NCAM1: variants seen among roughly 807,000 people sequenced by gnomAD.
NCAM1 encodes neural cell adhesion molecule 1, also known as antigen recognized by monoclonal antibody 5.1H11.
NCAM1 carries 14 observed loss-of-function variants against 109.8 expected under a neutral mutation model. That is an observed-to-expected ratio of 0.13 (90% CI 0.08 to 0.20). NCAM1 has a LOEUF of 0.20. NCAM1 is among the 10% of genes least tolerant of loss of function. The pLI, the probability that NCAM1 is intolerant of heterozygous loss-of-function variation, is 1.00. For missense variants in NCAM1, 774 were observed against 1,109.9 expected (o/e 0.70, Z 4.30); for synonymous variants, 418 against 442.9 (o/e 0.94, Z 0.70).
intron 9 of NCAM1, among the ~76,000 whole-genome samples, chr11:113,229,798 C>A (rs1349359094): frequency 6.6e-6 from 1 of 152,140 alleles, no homozygotes; most frequent in Non-Finnish European, 1.5e-5. Flanking sequence ...ATGGATGAAG[C>A]TGGAAACCAT....
intron 1 of NCAM1, among the ~76,000 whole-genome samples, chr11:112,994,096 G>T (rs1951532724): frequency 6.6e-6 from 1 of 152,128 alleles, no homozygotes; most frequent in Non-Finnish European, 1.5e-5. Context: ...TTGCCATCTA[G>T]CTTTGAGCAA....
chr11:112,965,074 ATT>A (rs61263458), intron 1 of NCAM1, among the ~76,000 whole-genome samples: 4 of 151,070 alleles, frequency 2.6e-5, no homozygotes, highest in South Asian at 4.2e-4. Flanking sequence ...TTTATCTAGG[ATT>A]TTTTTTTTAA....
chr11:113,246,323 T>C (rs1555120198), intron 14 of NCAM1, 45 bp from the exon 15 acceptor site: 1 of 733,048 alleles, frequency 1.4e-6, no homozygotes, highest in Non-Finnish European at 2.5e-6. Flanking sequence ...GACTTTGTCA[T>C]GTGGCTTGCA....
chr11:113,206,186 G>A lies in NCAM1; in HGVS notation c.628+6G>A, dbSNP rs868952042. 2.0e-5 allele frequency: 32 copies of A among 1,604,362 alleles called. No homozygotes were observed. The highest frequency in any genetic ancestry group is 1.3e-4 in the African/African-American group (10 of 74,636). Reference sequence around the variant, plus strand: ...CATTCAGGTCATTGTGAATGGTGAGGAGAGTCCGTTCTTCCTGATCTCTGC... The same window carrying A: ...CATTCAGGTCATTGTGAATGGTGAGAAGAGTCCGTTCTTCCTGATCTCTGC... On this transcript the variant is annotated splice_donor_region_variant and intron_variant, in intron 5 of 19. Coordinates refer to ENST00000316851, the MANE Select transcript of NCAM1 (RefSeq NM_181351.5).
chr11:113,039,378 G>T (rs551189344), intron 1 of NCAM1, among the ~76,000 whole-genome samples: 1 of 152,234 alleles, frequency 6.6e-6, no homozygotes. Flanking sequence ...GGATGTAATT[G>T]GTCTTCACCA....
intron 1 of NCAM1, among the ~76,000 whole-genome samples, chr11:113,020,769 A>G (rs1241538860): frequency 1.3e-5 from 2 of 151,934 alleles, no homozygotes; most frequent in Non-Finnish European, 2.9e-5. Flanking sequence ...TATTATTATT[A>G]TAATTGGAAG....
chr11:113,190,745 A>G (rs543507697), intron 1 of NCAM1, among the ~76,000 whole-genome samples: 3 of 152,166 alleles, frequency 2.0e-5, no homozygotes, highest in East Asian at 3.9e-4. Context: ...ATTTTGTATA[A>G]CTTAGTTTAT....
chr11:113,242,691 A>C, intron 14 of NCAM1: 1 of 878,996 alleles, frequency 1.1e-6, no homozygotes, highest in South Asian at 1.4e-5. Flanking sequence ...TGATGCCTAC[A>C]TATGTATAAT....
intron 1 of NCAM1, among the ~76,000 whole-genome samples, chr11:113,039,598 G>A (rs1327936633): frequency 6.6e-6 from 1 of 152,142 alleles, no homozygotes; most frequent in Non-Finnish European, 1.5e-5. Flanking sequence ...CCTAGACACA[G>A]GATGTAAGTT....
chr11:112,994,621 AC>A (rs1555071097), intron 1 of NCAM1, among the ~76,000 whole-genome samples: 1 of 152,122 alleles, frequency 6.6e-6, no homozygotes, highest in Admixed American at 6.5e-5. Flanking sequence ...CTGCTCTGTA[AC>A]TTATTTCTTA....
intron 1 of NCAM1, among the ~76,000 whole-genome samples, chr11:113,191,249 A>T (rs1943665157): frequency 1.3e-5 from 2 of 152,180 alleles, no homozygotes; most frequent in African/African-American, 4.8e-5. Flanking sequence ...GTTGGAGGGA[A>T]TTCGGTTCAG....
At chr11:113,015,773 C>T (rs899710893) in intron 1 of NCAM1, among the ~76,000 whole-genome samples, 4 of 151,840 alleles carry the variant, frequency 2.6e-5, no homozygotes, top group Non-Finnish European at 5.9e-5. Flanking sequence ...AAAAAGATAG[C>T]GTCAGTCCTA....
At chr11:113,269,366 G>A (rs1437687333) in intron 17 of NCAM1, among the ~76,000 whole-genome samples, 2 of 152,176 alleles carry the variant, frequency 1.3e-5, no homozygotes, top group East Asian at 3.9e-4. Flanking sequence ...ATGTGAGAGT[G>A]CATGCCTGTC....
intron 1 of NCAM1, among the ~76,000 whole-genome samples, chr11:113,135,667 C>T (rs530177328): frequency 5.1e-4 from 77 of 152,236 alleles, no homozygotes; most frequent in South Asian, 2.1e-3. Context: ...CTGTGTTCTG[C>T]GTGGGAAATC....
intron 1 of NCAM1, among the ~76,000 whole-genome samples, chr11:113,142,460 A>G (rs543409869): frequency 6.6e-6 from 1 of 152,292 alleles, no homozygotes; most frequent in South Asian, 2.1e-4. Context: ...GGACATCTGC[A>G]TGTCTGTAAT....
chr11:113,216,285 G>A (rs1241965822), intron 8 of NCAM1, among the ~76,000 whole-genome samples: 11 of 151,836 alleles, frequency 7.2e-5, no homozygotes, highest in African/African-American at 2.4e-4. Flanking sequence ...GAGTAGCTGG[G>A]ACTACAGGCG....
intron 1 of NCAM1, among the ~76,000 whole-genome samples, chr11:113,111,475 G>GAAA (rs1555093691): frequency 1.3e-5 from 2 of 152,140 alleles, no homozygotes; most frequent in East Asian, 3.9e-4. Context: ...ATACTACAAG[G>GAAA]AAAGAAAACA....
At chr11:113,051,524 C>T (rs1953488681) in intron 1 of NCAM1, among the ~76,000 whole-genome samples, 1 of 126,122 alleles carries the variant, frequency 7.9e-6, no homozygotes, top group African/African-American at 2.5e-5. Flanking sequence ...GCCCATTAAA[C>T]TACCACCTAA....
intron 1 of NCAM1, among the ~76,000 whole-genome samples, chr11:113,188,986 G>A (rs1167944969): frequency 1.3e-5 from 2 of 152,156 alleles, no homozygotes; most frequent in Non-Finnish European, 2.9e-5. Flanking sequence ...TTGTTCTCCT[G>A]AAGATGGAAG....
Sources: gnomAD v4.1 joint callset for allele counts (sites outside exome capture counted in the v4.1 genomes callset) on GRCh38, gnomAD v4.1.1 for gene constraint, MANE v1.5 for transcripts, NCBI Gene and HGNC (gene_info 2026-07-23, HGNC 2026-07-21) for gene names.